The following ZBTB20 variants were observed in gnomAD, a reference collection of about 807,000 sequenced individuals.
The protein encoded by ZBTB20 is zinc finger and BTB domain-containing protein 20.
A neutral mutation model predicts 56.9 loss-of-function variants in ZBTB20; 9 were observed. The observed-to-expected ratio is 0.16, with a 90% CI of 0.10 to 0.28. The LOEUF is 0.28. ZBTB20 is among the 10% of genes least tolerant of loss of function. ZBTB20 has a pLI of 1.00. For synonymous variants in ZBTB20, 417 were observed against 420.7 expected (o/e 0.99, Z 0.11); for missense variants, 655 against 1,003.0 (o/e 0.65, Z 4.69).
At chr3:114,775,495 C>G (rs1444418649) in intron 5 of ZBTB20, among the ~76,000 whole-genome samples, 1 of 150,280 alleles carries the variant, frequency 6.7e-6, no homozygotes, top group Non-Finnish European at 1.5e-5. Context: ...TTTCTCCTTA[C>G]TCCACCTCTT....
At chr3:114,422,278 T>C (rs529201638) in intron 7 of ZBTB20, among the ~76,000 whole-genome samples, 57 of 152,278 alleles carry the variant, frequency 3.7e-4, no homozygotes, top group African/African-American at 1.3e-3. Context: ...AAGCCACTCT[T>C]AGACAACAAA....
chr3:114,904,424 T>C (rs2075245403), intron 3 of ZBTB20: 1 of 152,052 alleles, frequency 6.6e-6, no homozygotes, highest in Non-Finnish European at 1.5e-5. Flanking sequence ...CACAGGACTA[T>C]TTTACATGCT....
chr3:114,699,141 T>C (rs913034633), intron 5 of ZBTB20, among the ~76,000 whole-genome samples: 25 of 152,160 alleles, frequency 1.6e-4, no homozygotes, highest in African/African-American at 5.3e-4. Context: ...ATAATACTGA[T>C]AACATCAGCA....
At chr3:114,908,597 C>A (rs978323865) in intron 3 of ZBTB20, among the ~76,000 whole-genome samples, 17 of 151,780 alleles carry the variant, frequency 1.1e-4, no homozygotes, top group African/African-American at 4.1e-4. Flanking sequence ...GCTCATATAT[C>A]AAAAATATCA....
At chr3:114,619,980 T>A (rs2058208857) in intron 6 of ZBTB20, among the ~76,000 whole-genome samples, 1 of 152,170 alleles carries the variant, frequency 6.6e-6, no homozygotes, top group Admixed American at 6.5e-5. Flanking sequence ...GAAGAACAAG[T>A]ATTGACAAGC....
intron 5 of ZBTB20, among the ~76,000 whole-genome samples, chr3:114,745,157 G>C (rs2066932411): frequency 6.6e-6 from 1 of 152,122 alleles, no homozygotes; most frequent in South Asian, 2.1e-4. Flanking sequence ...GAATAGAAAG[G>C]AAGAAGAGAG....
chr3:114,861,603 G>A (rs1014243941), intron 4 of ZBTB20, among the ~76,000 whole-genome samples: 2 of 152,008 alleles, frequency 1.3e-5, no homozygotes, highest in Non-Finnish European at 2.9e-5. Context: ...GCCTGTTGCT[G>A]TGGGGCATTT....
intron 3 of ZBTB20, among the ~76,000 whole-genome samples, chr3:114,948,025 T>C (rs562565805): frequency 1.5e-4 from 22 of 145,728 alleles, no homozygotes; most frequent in Non-Finnish European, 2.8e-4. Flanking sequence ...AATTACAAGC[T>C]AATCTCTCTT....
At chr3:115,080,803 A>G (rs1199423994) in intron 1 of ZBTB20, among the ~76,000 whole-genome samples, 1 of 152,212 alleles carries the variant, frequency 6.6e-6, no homozygotes, top group Non-Finnish European at 1.5e-5. Flanking sequence ...CTAGTTGATT[A>G]TAAAGTTCAC....
At chr3:114,458,986 G>A (rs1403551171) in intron 7 of ZBTB20, among the ~76,000 whole-genome samples, 2 of 151,994 alleles carry the variant, frequency 1.3e-5, no homozygotes, top group Non-Finnish European at 2.9e-5. Context: ...AGTTTATTAG[G>A]CCTTTTTAGT....
At chr3:114,977,569 T>C (rs2078154780) in intron 2 of ZBTB20, among the ~76,000 whole-genome samples, 1 of 152,138 alleles carries the variant, frequency 6.6e-6, no homozygotes, top group African/African-American at 2.4e-5. Flanking sequence ...ATGAACAATG[T>C]TGAGATAGCT....
At chr3:114,512,998 G>A (rs545493465) in intron 6 of ZBTB20, among the ~76,000 whole-genome samples, 55 of 152,250 alleles carry the variant, frequency 3.6e-4, no homozygotes, top group African/African-American at 1.3e-3. Context: ...CTTATAAGGA[G>A]TTACCCTCTC....
At chr3:114,595,536 C>A (rs550985755) in intron 6 of ZBTB20, among the ~76,000 whole-genome samples, 1 of 152,298 alleles carries the variant, frequency 6.6e-6, no homozygotes, top group South Asian at 2.1e-4. Context: ...TGAGATCCAT[C>A]CAACTTAGGA....
intron 8 of ZBTB20, among the ~76,000 whole-genome samples, chr3:114,385,915 T>C (rs2085060845): frequency 6.6e-6 from 1 of 152,150 alleles, no homozygotes; most frequent in Non-Finnish European, 1.5e-5. Flanking sequence ...TATCTAGATT[T>C]TGGGTAGGGG....
In ZBTB20 at chr3:114,319,908, G is replaced by T. The variant is rs564159945; in HGVS notation, c.*19097C>A. ...TGTTTTTAAATATTTTTTCTCAAAA[G>T]GGAGCTCAAGCATAAGTTAAAAGGT... On this transcript the variant is annotated 3_prime_UTR_variant, in exon 12 of 12. Transcript: ENST00000675478. The T allele has an allele frequency of 6.6e-6, 1 of 152,124 alleles. No individual in the cohort carries two copies. The highest frequency in any genetic ancestry group is 2.1e-4 in the South Asian group (1 of 4,824). The allele number at this position is 152,124 out of a possible 1,614,324, so 9.4% of individuals were successfully genotyped here.
intron 5 of ZBTB20, among the ~76,000 whole-genome samples, chr3:114,766,222 C>A (rs1274231): frequency 0.014 from 2,195 of 151,902 alleles, 60 homozygotes; most frequent in African/African-American, 0.049. Flanking sequence ...AAGGTAGGGG[C>A]AGAAACAACA....
intron 3 of ZBTB20, among the ~76,000 whole-genome samples, chr3:114,918,373 T>C (rs1179651471): frequency 6.6e-6 from 1 of 152,012 alleles, no homozygotes; most frequent in African/African-American, 2.4e-5. Context: ...CAAGCTAGCA[T>C]CTAAGCTGCA....
chr3:114,418,563 G>A (rs2088815295), intron 7 of ZBTB20, among the ~76,000 whole-genome samples: 1 of 146,758 alleles, frequency 6.8e-6, no homozygotes, highest in Middle Eastern at 3.2e-3. Context: ...CTAGAAGAAA[G>A]ACTAATAGAT....
rs2079177126 is a variant in ZBTB20 at position 114,329,715 on chromosome 3, A to AC, written c.*9289_*9290insG. 7 of 134,404 alleles carry AC rather than the reference A, an allele frequency of 5.2e-5. No homozygotes were observed. In the South Asian group the frequency reaches 1.2e-3, roughly 24 times the overall value. 8.3% of individuals were successfully genotyped at this position (134,404 alleles called of 1,614,324 possible). Reference sequence around the variant, plus strand: ...TCTGGTTTTACTTTTTTTGGAAAAAAAAAAAAAAAAAAAAAAAAAAAACAA... The same window carrying AC: ...TCTGGTTTTACTTTTTTTGGAAAAAACAAAAAAAAAAAAAAAAAAAAAACAA... On this transcript the variant is annotated 3_prime_UTR_variant, in exon 12 of 12. Coordinates refer to ENST00000675478, the MANE Select transcript of ZBTB20 (RefSeq NM_001348800.3).
Sources: gnomAD v4.1 joint callset for allele counts (sites outside exome capture counted in the v4.1 genomes callset) on GRCh38, gnomAD v4.1.1 for gene constraint, MANE v1.5 for transcripts, NCBI Gene and HGNC (gene_info 2026-07-23, HGNC 2026-07-21) for gene names.